The following CARD9 variants were observed in gnomAD, a reference collection of about 807,000 sequenced individuals.
CARD9 encodes caspase recruitment domain family member 9, also known as caspase recruitment domain-containing protein 9.
CARD9 carries 53 observed loss-of-function variants against 66.0 expected under a neutral mutation model. That is an observed-to-expected ratio of 0.80 (90% CI 0.64 to 1.01). The LOEUF is 1.01. Ranked by LOEUF, CARD9 falls within the 50% of genes least tolerant of loss-of-function variation. CARD9 has a pLI of 0.00. For missense variants in CARD9, 769 were observed against 743.2 expected, an observed-to-expected ratio of 1.03 and a Z score of -0.40; for synonymous variants, 387 against 313.8, an observed-to-expected ratio of 1.23 and a Z score of -2.47.
Position 136,365,158 on chromosome 9 carries a change from CCTG to C in CARD9, c.1414_1416del (p.Gln472del). The C allele has an allele frequency of 6.2e-7, 1 of 1,612,132 alleles. No individual in the cohort carries two copies. The highest frequency in any genetic ancestry group is 8.5e-7 in the Non-Finnish European group (1 of 1,179,900). On this transcript the variant is annotated inframe_deletion, in exon 11 of 13. Coordinates refer to ENST00000371732, the MANE Select transcript of CARD9 (RefSeq NM_052813.5). ...AGCCTTACATGGGGGTTCCGCAAAA[CCTG>C]CTCCTGGTGCAGAGCTGCAAAGGGC...
rs544829651 is a variant in CARD9 at position 136,367,949 on chromosome 9, C to G, written c.1078-121G>C. ...GACGTCAAGCCGCTGGGCGCGGAGG[C>G]TGGTCACAGCCCCTCCATTTGTGTG... On this transcript the variant is annotated intron_variant, in intron 7 of 12. Transcript: ENST00000371732. 23 of 1,446,238 alleles carry G rather than the reference C, an allele frequency of 1.6e-5. No homozygotes were observed. In the Admixed American group the frequency reaches 4.4e-4, roughly 28 times the overall value. 89.6% of individuals were successfully genotyped at this position (1,446,238 alleles called of 1,614,324 possible).
At chr9:136,365,243 G>A in intron 10 of CARD9, 26 bp from the exon 11 acceptor site, 1 of 1,603,224 alleles carries the variant, frequency 6.2e-7, no homozygotes, top group Non-Finnish European at 8.5e-7. Context: ...GTGCCTGTGG[G>A]ACCTGCCCAT....
Position 136,370,301 on chromosome 9 carries a change from C to T in CARD9, c.944G>A (p.Arg315His), listed in dbSNP as rs141105175. The T allele has an allele frequency of 2.7e-5, 44 of 1,602,156 alleles. No homozygotes were observed. The highest frequency in any genetic ancestry group is 3.4e-5 in the Non-Finnish European group (40 of 1,178,550). The change falls in exon 6 of 13, where the codon CGC becomes CAC. Residue 315 changes from arginine to histidine, a missense_variant. By Grantham distance (29) the Arg-to-His change is conservative. Coordinates refer to ENST00000371732, the MANE Select transcript of CARD9 (RefSeq NM_052813.5). ...RKDLRQGEARRLRCMEEKEMF... is the reference protein window; with the variant it reads ...RKDLRQGEARHLRCMEEKEMF... ...CCCCGCCTGCCCTCCTACCCGGAGG[C>T]GTCGGGCCTCGCCCTGGCGGAGGTC...
rs763284615 is a variant in CARD9, at chr9:136,365,124, C to A, written c.1434+17G>T. 6.2e-7 allele frequency: 1 copy of A among 1,610,900 alleles called. No individual in the cohort carries two copies. Among genetic ancestry groups the A allele is most frequent in the South Asian group, 1.1e-5 (1 of 91,058 alleles). On this transcript the variant is annotated intron_variant, in intron 11 of 12. Transcript: ENST00000371732. Reference sequence around the variant, plus strand: ...GAGGCCCACGGCTGGGAGGACCCCACCCCGGGGAAGCCTTACATGGGGGTT... The same window carrying A: ...GAGGCCCACGGCTGGGAGGACCCCAACCCGGGGAAGCCTTACATGGGGGTT...
chr9:136,369,668 C>G, intron 7 of CARD9, 82 bp downstream of exon 7: 3 of 1,534,600 alleles, frequency 2.0e-6, no homozygotes, highest in Non-Finnish European at 1.7e-6. Context: ...TAAAAATCCT[C>G]TGACAACTGC....
intron 10 of CARD9, chr9:136,366,085 C>T (rs1226278295): frequency 6.5e-6 from 1 of 152,890 alleles, no homozygotes; most frequent in African/African-American, 2.4e-5. Flanking sequence ...TTGTCCAACT[C>T]CGGTGCAGCC....
At chr9:136,372,178 G>A (rs762178542) in intron 1 of CARD9, 84 bp from the exon 2 acceptor site, 142 of 1,552,650 alleles carry the variant, frequency 9.1e-5, no homozygotes, top group Middle Eastern at 2.2e-4. Context: ...CAGACGCTGG[G>A]CCAGGGCTCT....
chr9:136,364,634 G>T, intron 11 of CARD9, 75 bp from the exon 12 acceptor site: 1 of 1,427,116 alleles, frequency 7.0e-7, no homozygotes. Flanking sequence ...CCCCCCACTG[G>T]CCCCTGTAAC....
intron 2 of CARD9, 152 bp downstream of exon 2, chr9:136,371,743 C>T (rs1833280162): frequency 3.0e-6 from 4 of 1,351,966 alleles, no homozygotes; most frequent in South Asian, 1.4e-5. Context: ...GGGCCACGTG[C>T]CAGGGTTGAG....
rs756632228 is a variant in CARD9 at position 136,364,350 on chromosome 9, GTCC to G, written c.1560_1562del (p.Glu520del). ...TGTCGCTGCCCGTGGTGTTCTCCCGGTCCTCCTCCCCCTGCCGCCATCCTTTCT... is the reference window on the plus strand; with the variant it reads ...TGTCGCTGCCCGTGGTGTTCTCCCGGTCCTCCCCCTGCCGCCATCCTTTCT... On this transcript the variant is annotated inframe_deletion, in exon 13 of 13. Transcript: ENST00000371732. The G allele has an allele frequency of 3.6e-5, 57 of 1,570,322 alleles. 1 individual carries two copies. The African/African-American group carries it at 5.0e-4, about 14-fold the overall frequency.
At chr9:136,372,951 G>GAACTACCCATGT (rs1833310442) in intron 1 of CARD9, among the ~76,000 whole-genome samples, 2 of 152,254 alleles carry the variant, frequency 1.3e-5, no homozygotes, top group Non-Finnish European at 2.9e-5. Flanking sequence ...CCCCATCCCA[G>GAACTACCCATGT]TGGCTGCAAC....
Position 136,367,802 on chromosome 9 carries a change from G to C in CARD9, c.1104C>G (p.His368Gln). 6.2e-7 allele frequency: 1 copy of C among 1,602,088 alleles called. No homozygotes were observed. Among genetic ancestry groups the C allele is most frequent in the South Asian group, 1.1e-5 (1 of 90,934 alleles). The change falls in exon 8 of 13, where the codon CAC becomes CAG. Residue 368 changes from histidine to glutamine, a missense_variant. Physicochemically the swap from His to Gln is conservative, Grantham distance 24 (BLOSUM62 0). Coordinates refer to ENST00000371732, the MANE Select transcript of CARD9 (RefSeq NM_052813.5). ...CCTGCAGGCCCCGGGCGTGCTGTGC[G>C]TGCAGCTCCTCCCGCGTGGCTATGG... Reference protein sequence around the residue: ...DQAIATREELHAQHARGLQEK... With the variant: ...DQAIATREELQAQHARGLQEK...
At chr9:136,370,002 A>G in intron 6 of CARD9, 127 bp from the exon 7 acceptor site, 2 of 1,516,096 alleles carry the variant, frequency 1.3e-6, no homozygotes, top group South Asian at 2.4e-5. Flanking sequence ...AGGCCATAGG[A>G]GTCCCCAGGC....
At position 136,370,995 on chromosome 9, in the gene CARD9, T is replaced by C. The variant is rs771788289; in HGVS notation, c.473A>G (p.Gln158Arg). The change falls in exon 4 of 13, where the codon CAG becomes CGG. Residue 158 changes from glutamine to arginine, a missense_variant. Physicochemically the swap from Gln to Arg is conservative, Grantham distance 43 (BLOSUM62 1). Coordinates refer to ENST00000371732, the MANE Select transcript of CARD9 (RefSeq NM_052813.5). Reference sequence around the variant, plus strand: ...CTCCTTGAGCCTCTGCACACGCTCCTGGTGCTTGCGCAGCAGGCTGTCCTT... The same window carrying C: ...CTCCTTGAGCCTCTGCACACGCTCCCGGTGCTTGCGCAGCAGGCTGTCCTT... ...RVKDSLLRKH[Q>R]ERVQRLKEEC... 1.2e-6 allele frequency: 2 copies of C among 1,611,500 alleles called. No homozygotes were observed. The highest frequency in any genetic ancestry group is 2.2e-5 in the South Asian group (2 of 90,728).
At chr9:136,370,255 T>C (rs1229061545) in intron 6 of CARD9, 39 bp downstream of exon 6, 2 of 1,587,408 alleles carry the variant, frequency 1.3e-6, no homozygotes, top group African/African-American at 2.7e-5. Flanking sequence ...CAGCCTGGCT[T>C]GGACCCCAGG....
chr9:136,371,139 GA>G lies in CARD9; in HGVS notation c.328del (p.Ser110ProfsTer6). ...ARVFSMIIDA[S>X]GESGLTQLLM... ...CAGCTGAGTCAGGCCTGACTCCCCGGACGCGTCTGTGGGCCAGGCCAGTGTC... is the reference window on the plus strand; with the variant it reads ...CAGCTGAGTCAGGCCTGACTCCCCGGCGCGTCTGTGGGCCAGGCCAGTGTC... On this transcript the variant is annotated frameshift_variant, in exon 4 of 13. Transcript: ENST00000371732. LOFTEE classifies it high-confidence loss of function. 1 of 1,612,316 alleles carries G rather than the reference GA, an allele frequency of 6.2e-7. No homozygotes were observed. Among genetic ancestry groups the G allele is most frequent in the Non-Finnish European group, 8.5e-7 (1 of 1,179,814 alleles).
intron 7 of CARD9, 102 bp downstream of exon 7, chr9:136,369,641 AAACAAAT>A (rs1450116161): frequency 1.3e-6 from 2 of 1,523,086 alleles, no homozygotes; most frequent in African/African-American, 2.8e-5. Flanking sequence ...CCCATCTCAA[AAACAAAT>A]AACAAAGATT....
intron 9 of CARD9, 137 bp from the exon 10 acceptor site, chr9:136,366,982 T>C: frequency 1.8e-6 from 2 of 1,139,336 alleles, no homozygotes; most frequent in Non-Finnish European, 2.6e-6. Context: ...TCTCAGAGAC[T>C]CAGGTGCCCA....
intron 2 of CARD9, 134 bp from the exon 3 acceptor site, chr9:136,371,595 G>T: frequency 7.2e-7 from 1 of 1,381,630 alleles, no homozygotes; most frequent in Non-Finnish European, 9.8e-7. Context: ...CTTGGATGAG[G>T]TACCCTGCGG....
Sources: gnomAD v4.1 joint callset for allele counts (sites outside exome capture counted in the v4.1 genomes callset) on GRCh38, gnomAD v4.1.1 for gene constraint, MANE v1.5 for transcripts, NCBI Gene and HGNC (gene_info 2026-07-23, HGNC 2026-07-21) for gene names.